The following PDGFC variants were observed in gnomAD, a reference collection of about 807,000 sequenced individuals.
The protein encoded by PDGFC is platelet derived growth factor C.
PDGFC carries 12 observed loss-of-function variants against 35.5 expected under a neutral mutation model. The ratio of observed to expected loss-of-function variants is 0.34; its 90% CI spans 0.22 to 0.55. The LOEUF is 0.55. Among genes scored for constraint, PDGFC ranks in the 20% least tolerant of loss-of-function variants. PDGFC has a pLI of 0.91. For synonymous variants in PDGFC, 159 were observed against 148.8 expected (o/e 1.07, Z -0.50); for missense variants, 322 against 412.4 (o/e 0.78, Z 1.90).
chr4:156,763,065 G>A lies in PDGFC; in HGVS notation c.*25C>T, dbSNP rs1408339839. The A allele has an allele frequency of 8.4e-7, 1 of 1,187,602 alleles. No individual in the cohort carries two copies. Among genetic ancestry groups the A allele is most frequent in the South Asian group, 1.2e-5 (1 of 82,252 alleles). 73.6% of individuals were successfully genotyped at this position (1,187,602 alleles called of 1,614,324 possible). A position where few individuals can be genotyped will look rare whatever the true frequency, so the allele number is the denominator to read the frequency against. On this transcript the variant is annotated 3_prime_UTR_variant, in exon 6 of 6. Coordinates refer to ENST00000502773, the MANE Select transcript of PDGFC (RefSeq NM_016205.3). ...CAGCCACTGCACTGCACAGCTCTGG[G>A]CAAGAGCTGCTGGTGGTGATGCGGC...
chr4:156,885,762 T>C (rs1730362035), intron 1 of PDGFC, among the ~76,000 whole-genome samples: 1 of 152,100 alleles, frequency 6.6e-6, no homozygotes, highest in South Asian at 2.1e-4. Flanking sequence ...CATGGTGTTA[T>C]GTGCCTGTAT....
intron 3 of PDGFC, among the ~76,000 whole-genome samples, chr4:156,787,006 C>T (rs1159704422): frequency 6.6e-6 from 1 of 152,048 alleles, no homozygotes; most frequent in Non-Finnish European, 1.5e-5. Flanking sequence ...TGTGGGTATT[C>T]AAGAGAAGAT....
chr4:156,871,203 G>A (rs1035401590), intron 1 of PDGFC, among the ~76,000 whole-genome samples: 6 of 152,038 alleles, frequency 3.9e-5, no homozygotes, highest in Admixed American at 2.0e-4. Flanking sequence ...TGGGAAGTGC[G>A]CAAGAAACTC....
chr4:156,871,372 T>C (rs1041601087), intron 1 of PDGFC, among the ~76,000 whole-genome samples: 4 of 151,992 alleles, frequency 2.6e-5, no homozygotes, highest in Non-Finnish European at 5.9e-5. Context: ...ACCCAGTGAG[T>C]CTAACCAAAA....
chr4:156,898,100 T>C (rs913167757), intron 1 of PDGFC, among the ~76,000 whole-genome samples: 3 of 152,110 alleles, frequency 2.0e-5, no homozygotes, highest in Non-Finnish European at 2.9e-5. Context: ...TTGGGAACAA[T>C]TAGGTCATGA....
At chr4:156,909,420 A>G (rs1383839473) in intron 1 of PDGFC, among the ~76,000 whole-genome samples, 2 of 152,214 alleles carry the variant, frequency 1.3e-5, no homozygotes, top group Non-Finnish European at 2.9e-5. Context: ...CAGAAAATAA[A>G]CTTCAGAGGA....
intron 3 of PDGFC, among the ~76,000 whole-genome samples, chr4:156,780,365 T>C (rs1436195783): frequency 6.6e-6 from 1 of 152,106 alleles, no homozygotes; most frequent in Non-Finnish European, 1.5e-5. Context: ...AAACACACCT[T>C]CACTGCAAAA....
intron 2 of PDGFC, among the ~76,000 whole-genome samples, chr4:156,828,603 T>C (rs1188458434): frequency 6.6e-6 from 1 of 152,196 alleles, no homozygotes; most frequent in Admixed American, 6.6e-5. Flanking sequence ...TGTATACATA[T>C]GTATATATGT....
chr4:156,928,556 A>T (rs778818268), intron 1 of PDGFC, among the ~76,000 whole-genome samples: 5 of 152,230 alleles, frequency 3.3e-5, no homozygotes, highest in Admixed American at 1.3e-4. Flanking sequence ...GCTGCTAGGA[A>T]GAATGGCTGA....
chr4:156,797,971 C>A (rs754947749), intron 3 of PDGFC, among the ~76,000 whole-genome samples: 14 of 152,138 alleles, frequency 9.2e-5, no homozygotes, highest in Non-Finnish European at 1.3e-4. Context: ...GGGTGGATCA[C>A]TTGAGGTCAG....
chr4:156,805,169 G>A (rs1284458216), intron 3 of PDGFC, among the ~76,000 whole-genome samples: 1 of 151,914 alleles, frequency 6.6e-6, no homozygotes, highest in African/African-American at 2.4e-5. Context: ...CCAAGTAAGA[G>A]TTTAGTCTCT....
chr4:156,892,813 C>A (rs1343394195), intron 1 of PDGFC, among the ~76,000 whole-genome samples: 1 of 152,174 alleles, frequency 6.6e-6, no homozygotes, highest in African/African-American at 2.4e-5. Context: ...AGTTGAAGCA[C>A]TCAATAGTTA....
chr4:156,963,564 G>T (rs890032623), intron 1 of PDGFC, among the ~76,000 whole-genome samples: 7 of 152,030 alleles, frequency 4.6e-5, no homozygotes, highest in Admixed American at 1.3e-4. Flanking sequence ...AAGTGGAATA[G>T]CAAGAGAGCA....
At chr4:156,876,599 A>G (rs2111159108) in intron 1 of PDGFC, 1 of 152,310 alleles carries the variant, frequency 6.6e-6, no homozygotes, top group East Asian at 1.9e-4. Flanking sequence ...GAAAGCCTAT[A>G]AAAAGTTCAG....
intron 1 of PDGFC, among the ~76,000 whole-genome samples, chr4:156,860,203 G>A (rs1203422550): frequency 1.3e-5 from 2 of 152,066 alleles, no homozygotes; most frequent in Non-Finnish European, 2.9e-5. Context: ...CAACATTATT[G>A]AAAAATACCT....
chr4:156,771,224 G>A (rs1730684419), intron 4 of PDGFC, among the ~76,000 whole-genome samples: 1 of 152,144 alleles, frequency 6.6e-6, no homozygotes, highest in Non-Finnish European at 1.5e-5. Flanking sequence ...TACATTTTCA[G>A]GCATAAAGCC....
intron 1 of PDGFC, among the ~76,000 whole-genome samples, chr4:156,904,180 T>C (rs1252524240): frequency 4.0e-4 from 61 of 152,210 alleles, no homozygotes; most frequent in Non-Finnish European, 7.4e-5. Flanking sequence ...AATCTTTCAT[T>C]GGACAGAAAA....
At chr4:156,837,083 G>A (rs1335825278) in intron 2 of PDGFC, among the ~76,000 whole-genome samples, 2 of 152,048 alleles carry the variant, frequency 1.3e-5, no homozygotes, top group South Asian at 2.1e-4. Flanking sequence ...AGCTCATATA[G>A]GAATATGATA....
chr4:156,797,237 A>T (rs1435451499), intron 3 of PDGFC, among the ~76,000 whole-genome samples: 2 of 144,486 alleles, frequency 1.4e-5, no homozygotes, highest in Non-Finnish European at 3.1e-5. Context: ...CAATCAGTCT[A>T]AAAAAAAAAA....
Sources: allele counts gnomAD v4.1 joint callset (sites outside exome capture counted in the v4.1 genomes callset), GRCh38; gene constraint gnomAD v4.1.1; transcripts MANE v1.5; gene names NCBI Gene and HGNC (gene_info 2026-07-23, HGNC 2026-07-21).